The following SYNDIG1 variants were observed in gnomAD, a reference collection of about 807,000 sequenced individuals.
The protein encoded by SYNDIG1 is synapse differentiation-inducing gene protein 1.
SYNDIG1 carries 9 observed loss-of-function variants against 19.4 expected under a neutral mutation model. That is an observed-to-expected ratio of 0.46 (90% CI 0.28 to 0.81). The LOEUF is 0.81. Ranked by LOEUF, SYNDIG1 falls within the 30% of genes least tolerant of loss-of-function variation. The pLI is 0.12. For synonymous variants in SYNDIG1, 141 were observed against 145.9 expected, an observed-to-expected ratio of 0.97 and a Z score of 0.24; for missense variants, 311 against 343.3, an observed-to-expected ratio of 0.91 and a Z score of 0.74.
At chr20:24,527,654 G>T (rs1402388609) in intron 1 of SYNDIG1, among the ~76,000 whole-genome samples, 3 of 151,986 alleles carry the variant, frequency 2.0e-5, no homozygotes, top group Non-Finnish European at 2.9e-5. Context: ...TGGGGAGGGG[G>T]TCTTTCTCTT....
chr20:24,530,681 C>G (rs538042012), intron 1 of SYNDIG1, among the ~76,000 whole-genome samples: 1 of 152,310 alleles, frequency 6.6e-6, no homozygotes, highest in South Asian at 2.1e-4. Flanking sequence ...CCTCCTAATG[C>G]CTTGACAAAT....
At chr20:24,501,458 T>A (rs1179418807) in intron 1 of SYNDIG1, among the ~76,000 whole-genome samples, 1 of 152,164 alleles carries the variant, frequency 6.6e-6, no homozygotes, top group Non-Finnish European at 1.5e-5. Flanking sequence ...TCAAGCTTAT[T>A]TCAGGCCCTA....
At chr20:24,606,721 C>A (rs146023748) in intron 3 of SYNDIG1, among the ~76,000 whole-genome samples, 1 of 152,142 alleles carries the variant, frequency 6.6e-6, no homozygotes, top group Admixed American at 6.5e-5. Context: ...AGCACAAGTG[C>A]CCATCCCTGG....
intron 3 of SYNDIG1, among the ~76,000 whole-genome samples, chr20:24,614,961 G>A (rs1268481956): frequency 6.6e-6 from 1 of 152,150 alleles, no homozygotes; most frequent in Admixed American, 6.5e-5. Flanking sequence ...CAGCGTTATT[G>A]CTTTCAAGCA....
chr20:24,470,980 G>C (rs1008470166), intron 1 of SYNDIG1, among the ~76,000 whole-genome samples: 1 of 151,870 alleles, frequency 6.6e-6, no homozygotes, highest in African/African-American at 2.4e-5. Context: ...GGGGAGGGGG[G>C]CTGGGCGTTA....
intron 3 of SYNDIG1, among the ~76,000 whole-genome samples, chr20:24,649,989 C>A (rs1161767054): frequency 6.6e-6 from 1 of 152,178 alleles, no homozygotes; most frequent in Admixed American, 6.5e-5. Context: ...ACATTTTGTG[C>A]AACAAACAGA....
chr20:24,565,587 A>G (rs959412241), intron 2 of SYNDIG1, among the ~76,000 whole-genome samples: 1 of 152,220 alleles, frequency 6.6e-6, no homozygotes, highest in Non-Finnish European at 1.5e-5. Flanking sequence ...TCTAGAAAAT[A>G]GAGGGGAAAG....
chr20:24,602,347 C>T lies in SYNDIG1; in HGVS notation c.618+17354C>T, dbSNP rs183743659. ...TTCTTTGCTGTTTTTCCAGCACATA[C>T]GGCACAAAAAATTCAAGACCATCTT... On this transcript the variant is annotated intron_variant, in intron 3 of 3. Coordinates refer to ENST00000376862, the MANE Select transcript of SYNDIG1 (RefSeq NM_024893.3). Among the ~76,000 whole-genome samples the T allele has an allele frequency of 3.0e-3, 454 of 152,298 alleles. 2 individuals carry two copies. Among genetic ancestry groups the T allele is most frequent in the African/African-American group, 9.6e-3 (401 of 41,556 alleles).
intron 2 of SYNDIG1, among the ~76,000 whole-genome samples, chr20:24,573,189 A>G (rs561439944): frequency 5.6e-4 from 85 of 152,346 alleles, no homozygotes; most frequent in African/African-American, 2.0e-3. Flanking sequence ...AGAGGTACTC[A>G]TTTAGTAACT....
intron 2 of SYNDIG1, among the ~76,000 whole-genome samples, chr20:24,583,475 G>A (rs370115400): frequency 8.5e-5 from 13 of 152,234 alleles, no homozygotes; most frequent in East Asian, 7.7e-4. Flanking sequence ...GGAAGTGAGC[G>A]ACTACTCTCC....
intron 3 of SYNDIG1, among the ~76,000 whole-genome samples, chr20:24,632,365 G>C (rs2059257109): frequency 6.6e-6 from 1 of 152,150 alleles, no homozygotes; most frequent in Non-Finnish European, 1.5e-5. Flanking sequence ...TCAGCCTCCT[G>C]AGTAGCTGGG....
intron 3 of SYNDIG1, among the ~76,000 whole-genome samples, chr20:24,594,755 G>C (rs1260908447): frequency 5.9e-5 from 9 of 152,120 alleles, no homozygotes; most frequent in African/African-American, 2.2e-4. Flanking sequence ...CCTGTTAGCT[G>C]TATTACTAAG....
intron 3 of SYNDIG1, among the ~76,000 whole-genome samples, chr20:24,635,074 C>T (rs1356592800): frequency 6.6e-6 from 1 of 152,214 alleles, no homozygotes; most frequent in East Asian, 1.9e-4. Flanking sequence ...CAGCTGGGGA[C>T]AGCACGGGCT....
At chr20:24,527,028 A>G (rs1462651152) in intron 1 of SYNDIG1, among the ~76,000 whole-genome samples, 1 of 152,146 alleles carries the variant, frequency 6.6e-6, no homozygotes, top group Non-Finnish European at 1.5e-5. Context: ...GGATCAGTGA[A>G]TTTGTGTTTC....
chr20:24,553,105 C>T (rs2057739328), intron 2 of SYNDIG1, among the ~76,000 whole-genome samples: 1 of 151,560 alleles, frequency 6.6e-6, no homozygotes, highest in Non-Finnish European at 1.5e-5. Flanking sequence ...GCATAAATGT[C>T]TTCTTTTGAG....
At chr20:24,500,157 G>C (rs1021096678) in intron 1 of SYNDIG1, among the ~76,000 whole-genome samples, 1 of 152,054 alleles carries the variant, frequency 6.6e-6, no homozygotes, top group Non-Finnish European at 1.5e-5. Flanking sequence ...GAACTTGCTA[G>C]CATCCCTAGT....
chr20:24,660,196 G>C (rs1370663288), intron 3 of SYNDIG1, among the ~76,000 whole-genome samples: 1 of 152,226 alleles, frequency 6.6e-6, no homozygotes, highest in African/African-American at 2.4e-5. Flanking sequence ...CATTCCTACA[G>C]ATGTGTTTTG....
intron 1 of SYNDIG1, among the ~76,000 whole-genome samples, chr20:24,499,056 T>C (rs966782514): frequency 6.6e-6 from 1 of 152,244 alleles, no homozygotes; most frequent in African/African-American, 2.4e-5. Context: ...GGAGTCTAGC[T>C]GTCGCAAGTG....
At chr20:24,622,579 T>G (rs938266777) in intron 3 of SYNDIG1, among the ~76,000 whole-genome samples, 1 of 152,186 alleles carries the variant, frequency 6.6e-6, no homozygotes, top group Admixed American at 6.5e-5. Flanking sequence ...GAACTGCACA[T>G]GTGTGGAATC....
Sources: gnomAD v4.1 joint callset for allele counts (sites outside exome capture counted in the v4.1 genomes callset) on GRCh38, gnomAD v4.1.1 for gene constraint, MANE v1.5 for transcripts, NCBI Gene and HGNC (gene_info 2026-07-23, HGNC 2026-07-21) for gene names.